RBFOX1: variants seen among roughly 807,000 people sequenced by gnomAD.
The protein encoded by RBFOX1 is RNA binding protein fox-1 homolog 1.
A neutral mutation model predicts 57.7 loss-of-function variants in RBFOX1; 8 were observed. The ratio of observed to expected loss-of-function variants is 0.14; its 90% CI spans 0.08 to 0.25. RBFOX1 has a LOEUF of 0.25. Ranked by LOEUF, RBFOX1 falls within the 10% of genes least tolerant of loss-of-function variation. The pLI, the probability that RBFOX1 is intolerant of heterozygous loss-of-function variation, is 1.00. For synonymous variants in RBFOX1, 326 were observed against 222.4 expected (o/e 1.47, Z -4.15); for missense variants, 611 against 548.5 (o/e 1.11, Z -1.14).
chr16:7,414,903 G>A (rs551236984), intron 4 of RBFOX1, among the ~76,000 whole-genome samples: 216 of 152,320 alleles, frequency 1.4e-3, no homozygotes, highest in African/African-American at 5.0e-3. Context: ...CAGGTGGTGA[G>A]CCACGGCGCC....
At chr16:6,705,757 C>T (rs1228221938) in intron 3 of RBFOX1, among the ~76,000 whole-genome samples, 1 of 152,074 alleles carries the variant, frequency 6.6e-6, no homozygotes, top group Non-Finnish European at 1.5e-5. Context: ...GTGGCTTAAG[C>T]CTGTAATCCC....
At chr16:6,954,956 T>A (rs1316073223) in intron 3 of RBFOX1, among the ~76,000 whole-genome samples, 1 of 151,716 alleles carries the variant, frequency 6.6e-6, no homozygotes, top group Non-Finnish European at 1.5e-5. Context: ...GAAGGCTGGG[T>A]GTGGTGGCTC....
intron 4 of RBFOX1, among the ~76,000 whole-genome samples, chr16:5,871,900 A>C (rs528001893): frequency 6.6e-6 from 1 of 152,182 alleles, no homozygotes; most frequent in Admixed American, 6.5e-5. Context: ...TTGATATTAC[A>C]GCTCTGCTAT....
intron 1 of RBFOX1, among the ~76,000 whole-genome samples, chr16:6,104,632 A>C (rs1313301341): frequency 6.6e-6 from 1 of 152,186 alleles, no homozygotes; most frequent in East Asian, 1.9e-4. Context: ...GCATAATTCA[A>C]AATAGCCCAG....
intron 2 of RBFOX1, among the ~76,000 whole-genome samples, chr16:6,458,994 G>T (rs986432608): frequency 3.9e-5 from 6 of 152,298 alleles, no homozygotes; most frequent in African/African-American, 1.4e-4. Context: ...GTGCTTTATT[G>T]AAGATTCCAC....
In RBFOX1 at chr16:6,138,264, C is replaced by G. The variant is rs544052960; in HGVS notation, c.-127+118272C>G. On this transcript the variant is annotated intron_variant, in intron 1 of 15. Transcript: ENST00000550418. ...TTCTGCTGTTGCCTTTCTGGCAACT[C>G]TAAATCATTTTGAACAAGGGGGCCC... Among the ~76,000 whole-genome samples, 16 of 152,286 alleles carry G rather than the reference C, an allele frequency of 1.1e-4. No homozygotes were observed. The South Asian group carries it at 3.1e-3, about 30-fold the overall frequency.
intron 1 of RBFOX1, among the ~76,000 whole-genome samples, chr16:6,145,085 A>C (rs774691337): frequency 6.6e-5 from 10 of 151,992 alleles, no homozygotes; most frequent in Admixed American, 1.3e-4. Context: ...TTTGTTACAC[A>C]GGTAAACTTG....
chr16:7,676,381 T>G (rs2073278889), intron 13 of RBFOX1, among the ~76,000 whole-genome samples: 1 of 152,216 alleles, frequency 6.6e-6, no homozygotes, highest in South Asian at 2.1e-4. Context: ...GAATAAAATT[T>G]AAGTTAATAT....
At chr16:5,923,530 CTTTTTTTTTT>C (rs71404564) in intron 4 of RBFOX1, among the ~76,000 whole-genome samples, 3 of 109,376 alleles carry the variant, frequency 2.7e-5, no homozygotes, top group East Asian at 2.9e-4. Context: ...CAGAGCCAGG[CTTTTTTTTTT>C]TTTTTTTTTT....
chr16:7,598,032 T>C (rs377513840), intron 9 of RBFOX1, among the ~76,000 whole-genome samples: 1 of 152,148 alleles, frequency 6.6e-6, no homozygotes, highest in Non-Finnish European at 1.5e-5. Flanking sequence ...TTTTTATCAA[T>C]AAAACTTCTG....
chr16:5,742,610 C>G (rs1347645186), intron 3 of RBFOX1, among the ~76,000 whole-genome samples: 3 of 152,176 alleles, frequency 2.0e-5, no homozygotes, highest in African/African-American at 7.2e-5. Flanking sequence ...AGCTCTTGGT[C>G]AAGCTACTCA....
intron 4 of RBFOX1, among the ~76,000 whole-genome samples, chr16:7,109,824 C>T (rs546944824): frequency 6.6e-6 from 1 of 152,236 alleles, no homozygotes; most frequent in South Asian, 2.1e-4. Flanking sequence ...CTTGGCACAG[C>T]CTTGCACTAC....
chr16:7,655,079 C>G (rs2065973752), intron 12 of RBFOX1, among the ~76,000 whole-genome samples: 1 of 152,202 alleles, frequency 6.6e-6, no homozygotes, highest in Non-Finnish European at 1.5e-5. Flanking sequence ...TTTCATAGCT[C>G]TGTTGCTTGT....
At chr16:5,292,257 C>G (rs537408277) in intron 1 of RBFOX1, among the ~76,000 whole-genome samples, 1 of 152,190 alleles carries the variant, frequency 6.6e-6, no homozygotes, top group Admixed American at 6.5e-5. Context: ...TCCCAGCTTG[C>G]TTTCATTTGA....
chr16:7,067,623 G>A (rs1333898475), intron 4 of RBFOX1, among the ~76,000 whole-genome samples: 1 of 151,706 alleles, frequency 6.6e-6, no homozygotes, highest in African/African-American at 2.4e-5. Context: ...CCATGTTGGT[G>A]TGGTGCACCC....
At chr16:6,464,684 A>C (rs1338936405) in intron 2 of RBFOX1, among the ~76,000 whole-genome samples, 1 of 152,238 alleles carries the variant, frequency 6.6e-6, no homozygotes, top group Non-Finnish European at 1.5e-5. Context: ...TTCACCCTAG[A>C]GTGGTCAGGT....
chr16:6,972,000 T>C (rs570728577), intron 3 of RBFOX1, among the ~76,000 whole-genome samples: 1 of 152,308 alleles, frequency 6.6e-6, no homozygotes, highest in South Asian at 2.1e-4. Context: ...ACGCAAGTTT[T>C]ACTGTGAAGT....
At position 7,056,917 on chromosome 16, in the gene RBFOX1, C is replaced by G. The variant is rs1204552338; in HGVS notation, c.27+4819C>G. Among the ~76,000 whole-genome samples the G allele has an allele frequency of 2.6e-5, 4 of 152,118 alleles. No homozygotes were observed. The East Asian group carries it at 7.7e-4, about 29-fold the overall frequency. On this transcript the variant is annotated intron_variant, in intron 4 of 15. Coordinates refer to ENST00000550418, the MANE Select transcript of RBFOX1 (RefSeq NM_018723.4). ...CACTGGTATGGACTTAGGTTCAGAT[C>G]CCACTTCTAAATGCTCCTTAGTGTC...
chr16:7,543,241 C>T (rs971881553), intron 5 of RBFOX1, among the ~76,000 whole-genome samples: 8 of 152,184 alleles, frequency 5.3e-5, no homozygotes, highest in African/African-American at 1.9e-4. Context: ...GTATTTTAGG[C>T]AAGTCTTACA....
Sources: allele counts gnomAD v4.1 joint callset (sites outside exome capture counted in the v4.1 genomes callset), GRCh38; gene constraint gnomAD v4.1.1; transcripts MANE v1.5; gene names NCBI Gene and HGNC (gene_info 2026-07-23, HGNC 2026-07-21).